Variants in MMP26 observed in about 807,000 individuals in gnomAD.
MMP26 encodes matrix metalloproteinase-26.
Under a neutral mutation model 31.0 loss-of-function variants are expected in MMP26, and 33 were observed. The observed-to-expected ratio is 1.06, with a 90% CI of 0.81 to 1.42. The LOEUF is 1.42. Ranked by LOEUF, MMP26 falls within the 40% of genes most tolerant of loss-of-function variation. The pLI is 0.00. For missense variants in MMP26, 347 were observed against 316.1 expected, an observed-to-expected ratio of 1.10 and a Z score of -0.74; for synonymous variants, 122 against 114.9, an observed-to-expected ratio of 1.06 and a Z score of -0.40.
At chr11:4,720,713 C>A (rs1460569025) in intron 1 of MMP26, among the ~76,000 whole-genome samples, 1 of 152,134 alleles carries the variant, frequency 6.6e-6, no homozygotes, top group East Asian at 1.9e-4. Flanking sequence ...TGAGAGGGAG[C>A]TGCTCTTTTG....
intron 1 of MMP26, among the ~76,000 whole-genome samples, chr11:4,751,439 C>T (rs922483469): frequency 1.3e-5 from 2 of 152,072 alleles, no homozygotes; most frequent in Non-Finnish European, 1.5e-5. Context: ...AAAGATGAGC[C>T]TTGAAACCTA....
At chr11:4,829,742 T>G (rs551281368) in intron 2 of MMP26, among the ~76,000 whole-genome samples, 4 of 152,344 alleles carry the variant, frequency 2.6e-5, no homozygotes, top group East Asian at 1.9e-4. Flanking sequence ...ATTAAAAATC[T>G]GTCTAGACAT....
At chr11:4,826,543 C>G (rs1254336447) in intron 2 of MMP26, among the ~76,000 whole-genome samples, 1 of 152,036 alleles carries the variant, frequency 6.6e-6, no homozygotes, top group Non-Finnish European at 1.5e-5. Context: ...CTATGCACTG[C>G]TGGAACTGAG....
At chr11:4,760,393 G>A (rs1362858534) in intron 1 of MMP26, among the ~76,000 whole-genome samples, 1 of 152,178 alleles carries the variant, frequency 6.6e-6, no homozygotes, top group African/African-American at 2.4e-5. Flanking sequence ...CTACATGGAG[G>A]CAAAGCAATG....
intron 2 of MMP26, among the ~76,000 whole-genome samples, chr11:4,960,695 A>T (rs1446171134): frequency 1.3e-5 from 2 of 152,124 alleles, no homozygotes; most frequent in African/African-American, 2.4e-5. Flanking sequence ...TTACAGTACC[A>T]AAAGGCCAAA....
chr11:4,714,920 TCA>T (rs66913726), intron 1 of MMP26, among the ~76,000 whole-genome samples: 7,481 of 141,376 alleles, frequency 0.053, 388 homozygotes, highest in African/African-American at 0.14. Flanking sequence ...TCTCTCTCTC[TCA>T]CACACACACA....
chr11:4,969,753 A>T lies in MMP26; in HGVS notation c.-144-18315A>T, dbSNP rs144417849. ...TACTATTACCTTACTCAACTTTTAA[A>T]CCCAAGTAAAGTAAAATATGCTTTT... On this transcript the variant is annotated intron_variant, in intron 2 of 7. Transcript: ENST00000380390. Among the ~76,000 whole-genome samples the T allele has an allele frequency of 1.4e-3, 207 of 152,236 alleles. 5 individuals are homozygous for T. The East Asian group carries it at 0.027, about 20-fold the overall frequency.
intron 2 of MMP26, among the ~76,000 whole-genome samples, chr11:4,844,848 T>C (rs73403082): frequency 0.029 from 4,451 of 152,084 alleles, 231 homozygotes; most frequent in African/African-American, 0.1. Flanking sequence ...TCTAAAACAC[T>C]AGAAGGATGT....
intron 2 of MMP26, among the ~76,000 whole-genome samples, chr11:4,800,057 C>G (rs1849160970): frequency 6.6e-6 from 1 of 152,166 alleles, no homozygotes; most frequent in South Asian, 2.1e-4. Flanking sequence ...CTACTGTTGG[C>G]TCTACTATTC....
At chr11:4,849,119 A>T in intron 2 of MMP26, 1 of 1,614,104 alleles carries the variant, frequency 6.2e-7, no homozygotes, top group Non-Finnish European at 8.5e-7. Context: ...AGGAGGGTGC[A>T]CCTGATAGGC....
intron 2 of MMP26, among the ~76,000 whole-genome samples, chr11:4,825,215 A>T (rs1219788184): frequency 6.6e-6 from 1 of 152,164 alleles, no homozygotes; most frequent in Non-Finnish European, 1.5e-5. Flanking sequence ...GGCATAAAAT[A>T]TTCAAAAGTC....
At chr11:4,914,915 A>T in intron 2 of MMP26, 3 of 1,614,104 alleles carry the variant, frequency 1.9e-6, no homozygotes, top group Non-Finnish European at 2.5e-6. Context: ...CACAGCACAG[A>T]TGTGGGAAAC....
At chr11:4,923,247 G>T in intron 2 of MMP26, 1 of 856,154 alleles carries the variant, frequency 1.2e-6, no homozygotes, top group Non-Finnish European at 1.8e-6. Flanking sequence ...TGGTCACACT[G>T]CCTTATGTTG....
chr11:4,717,563 G>A (rs1358644994), intron 1 of MMP26, among the ~76,000 whole-genome samples: 3 of 151,462 alleles, frequency 2.0e-5, no homozygotes, highest in Non-Finnish European at 4.4e-5. Flanking sequence ...AAAGAGACAA[G>A]TAGATACATG....
intron 2 of MMP26, among the ~76,000 whole-genome samples, chr11:4,935,661 CA>C: frequency 6.6e-6 from 1 of 151,448 alleles, no homozygotes; most frequent in South Asian, 2.1e-4. Flanking sequence ...TGCCAGTTTT[CA>C]AAGGGAATGC....
intron 2 of MMP26, chr11:4,914,794 A>G (rs1246930752): frequency 4.3e-6 from 7 of 1,614,040 alleles, no homozygotes; most frequent in Non-Finnish European, 4.2e-6. Context: ...GATTCATCAC[A>G]GGAGGAAAGA....
intron 1 of MMP26, chr11:4,723,982 G>T: frequency 1.4e-6 from 1 of 733,770 alleles, no homozygotes. Context: ...TGTGTCAGTG[G>T]TGATGCCTCC....
At position 4,954,342 on chromosome 11, in the gene MMP26, C is replaced by T. The variant is rs1362205628; in HGVS notation, c.-144-33726C>T. 1.6e-5 allele frequency among the ~76,000 whole-genome samples: 2 copies of T among 124,062 alleles called. 1 individual carries two copies. The highest frequency in any genetic ancestry group is 5.5e-5 in the African/African-American group (2 of 36,446). 81.4% of individuals were successfully genotyped at this position (124,062 alleles called of 152,430 possible). On this transcript the variant is annotated intron_variant, in intron 2 of 7. Transcript: ENST00000380390. ...ATCCAACCCATATCAAATATAAAAG[C>T]TGGAATTTAAAAAAGATGGTGACAT...
rs1451684825 is a variant in MMP26 at position 4,969,027 on chromosome 11, T to C, written c.-144-19041T>C. Among the ~76,000 whole-genome samples, 3 of 152,164 alleles carry C rather than the reference T, an allele frequency of 2.0e-5. No homozygotes were observed. In the East Asian group the frequency reaches 5.8e-4, roughly 29 times the overall value. On this transcript the variant is annotated intron_variant, in intron 2 of 7. Transcript: ENST00000380390. ...GTTTTTTAAACAGAGTTGTTTTCCT[T>C]ATTATTTAAGTAGTTTTGTCCACAT...
Sources: gnomAD v4.1 joint callset for allele counts (sites outside exome capture counted in the v4.1 genomes callset) on GRCh38, gnomAD v4.1.1 for gene constraint, MANE v1.5 for transcripts, NCBI Gene and HGNC (gene_info 2026-07-23, HGNC 2026-07-21) for gene names.